CFAP206: variants seen among roughly 807,000 people sequenced by gnomAD.
The protein encoded by CFAP206 is cilia and flagella associated protein 206.
A neutral mutation model predicts 65.4 loss-of-function variants in CFAP206; 53 were observed. The observed-to-expected ratio is 0.81, with a 90% CI of 0.65 to 1.02. The LOEUF (loss-of-function observed/expected upper bound fraction) is 1.02. Among genes scored for constraint, CFAP206 ranks in the 50% least tolerant of loss-of-function variants. The pLI, the probability that CFAP206 is intolerant of heterozygous loss-of-function variation, is 0.00. For missense variants in CFAP206, 663 were observed against 753.2 expected (o/e 0.88, Z 1.40); for synonymous variants, 250 against 254.4 (o/e 0.98, Z 0.17).
At chr6:87,450,571 C>CAA (rs10678289) in intron 11 of CFAP206, among the ~76,000 whole-genome samples, 33,279 of 120,676 alleles carry the variant, frequency 0.28, 5,301 homozygotes, top group Admixed American at 0.36. Context: ...CTACTTATGG[C>CAA]AAAAAAAAAA....
chr6:87,440,748 G>A (rs1331655918), intron 11 of CFAP206, among the ~76,000 whole-genome samples: 2 of 152,178 alleles, frequency 1.3e-5, no homozygotes, highest in African/African-American at 2.4e-5. Context: ...TGGCAGCAAT[G>A]TAATGTCCCC....
chr6:87,435,633 T>G (rs1768252036), intron 11 of CFAP206: 1 of 152,182 alleles, frequency 6.6e-6, no homozygotes, highest in African/African-American at 2.4e-5. Context: ...GTTCTTCCTC[T>G]TTGTCTCTCA....
At chr6:87,424,471 G>T (rs1768003883) in intron 7 of CFAP206, among the ~76,000 whole-genome samples, 1 of 152,012 alleles carries the variant, frequency 6.6e-6, no homozygotes. Context: ...TGGAGATGGG[G>T]TTTCACCGTG....
chr6:87,451,403 T>A (rs1768540522), intron 11 of CFAP206, among the ~76,000 whole-genome samples: 1 of 152,074 alleles, frequency 6.6e-6, no homozygotes, highest in Non-Finnish European at 1.5e-5. Context: ...GGATGACATT[T>A]CTAGACCCAC....
In CFAP206 at chr6:87,464,428, G is replaced by A. The variant is rs111925212; in HGVS notation, c.*178G>A. On this transcript the variant is annotated 3_prime_UTR_variant, in exon 13 of 13. Coordinates refer to ENST00000369562, the MANE Select transcript of CFAP206 (RefSeq NM_001031743.3). ...TTTTCTGTAACACATTTTTCATTCTGTTGAAATTGAAAAATAAAACTGTCC... is the reference window on the plus strand; with the variant it reads ...TTTTCTGTAACACATTTTTCATTCTATTGAAATTGAAAAATAAAACTGTCC... 1 of 436,104 alleles carries A rather than the reference G, an allele frequency of 2.3e-6. No individual in the cohort carries two copies. The highest frequency in any genetic ancestry group is 4.0e-6 in the Non-Finnish European group (1 of 250,316). The allele number at this position is 436,104 out of a possible 1,614,324, so 27.0% of individuals were successfully genotyped here.
chr6:87,433,821 T>C (rs1265313573), intron 10 of CFAP206, among the ~76,000 whole-genome samples: 1 of 151,224 alleles, frequency 6.6e-6, no homozygotes, highest in Non-Finnish European at 1.5e-5. Context: ...TGGAAGGGGC[T>C]GGGCGTGGTG....
intron 9 of CFAP206, among the ~76,000 whole-genome samples, chr6:87,429,163 G>A (rs1054403909): frequency 2.0e-5 from 3 of 151,552 alleles, no homozygotes; most frequent in African/African-American, 7.3e-5. Context: ...CGGGTCAGAG[G>A]TTGCAGTGAG....
chr6:87,410,043 A>T, intron 2 of CFAP206, 96 bp downstream of exon 2: 1 of 850,588 alleles, frequency 1.2e-6, no homozygotes, highest in Non-Finnish European at 1.9e-6. Context: ...GCTTTCATAA[A>T]TGTTTTTCAG....
intron 7 of CFAP206, among the ~76,000 whole-genome samples, chr6:87,423,740 A>G (rs571798142): frequency 1.3e-5 from 2 of 152,190 alleles, no homozygotes; most frequent in African/African-American, 4.8e-5. Flanking sequence ...AAAAAACTCT[A>G]TGAGGGTAGA....
intron 7 of CFAP206, among the ~76,000 whole-genome samples, chr6:87,421,300 A>G (rs1239894876): frequency 6.6e-6 from 1 of 152,202 alleles, no homozygotes; most frequent in Non-Finnish European, 1.5e-5. Flanking sequence ...AGCCTGGCCA[A>G]CATGGTGAAA....
chr6:87,454,147 G>A (rs2127956739), intron 11 of CFAP206, among the ~76,000 whole-genome samples: 1 of 152,206 alleles, frequency 6.6e-6, no homozygotes, highest in South Asian at 2.1e-4. Context: ...ACACAGAGAA[G>A]ATCATTATAT....
Position 87,408,009 on chromosome 6 carries a change from G to C in CFAP206, c.-86G>C. 1 of 985,576 alleles carries C rather than the reference G, an allele frequency of 1.0e-6. No individual in the cohort carries two copies. 61.1% of individuals were successfully genotyped at this position (985,576 alleles called of 1,614,324 possible). ...TGGTTACGCGGCGGTGGCTGCGAGC[G>C]CCCAACTGCTCCGACCGTCGCGGTG... On this transcript the variant is annotated 5_prime_UTR_variant, in exon 1 of 13. Transcript: ENST00000369562.
rs6454620 is a variant in CFAP206, at chr6:87,422,157, A to C, written c.840+3741A>C. Among the ~76,000 whole-genome samples, 1,110 of 151,780 alleles carry C rather than the reference A, an allele frequency of 7.3e-3. 21 individuals carry two copies. The highest frequency in any genetic ancestry group is 0.026 in the African/African-American group (1,057 of 41,368). On this transcript the variant is annotated intron_variant, in intron 7 of 12. Coordinates refer to ENST00000369562, the MANE Select transcript of CFAP206 (RefSeq NM_001031743.3). ...TAGAGGACTAATATTATAATTAAAA[A>C]CTCTAGATGGGCCGGGCGTGGTGGC...
chr6:87,423,083 A>AT (rs1427247384), intron 7 of CFAP206, among the ~76,000 whole-genome samples: 1 of 151,278 alleles, frequency 6.6e-6, no homozygotes, highest in African/African-American at 2.4e-5. Context: ...CGCCTGGCTA[A>AT]TTTTTTTGTA....
At chr6:87,409,712 C>A in intron 1 of CFAP206, 123 bp from the exon 2 acceptor site, 1 of 615,838 alleles carries the variant, frequency 1.6e-6, no homozygotes. Flanking sequence ...AATAAAAATG[C>A]TAATAAGCTA....
At chr6:87,409,322 TC>T (rs1456915766) in intron 1 of CFAP206, among the ~76,000 whole-genome samples, 1 of 151,714 alleles carries the variant, frequency 6.6e-6, no homozygotes, top group African/African-American at 2.4e-5. Flanking sequence ...CAAACGATTC[TC>T]CTGCCTCAGC....
At chr6:87,418,845 C>T (rs1767885255) in intron 7 of CFAP206, among the ~76,000 whole-genome samples, 1 of 152,108 alleles carries the variant, frequency 6.6e-6, no homozygotes, top group Admixed American at 6.6e-5. Flanking sequence ...GGCAGAGTGG[C>T]TCATGTCTGT....
chr6:87,446,610 G>A (rs190896735), intron 11 of CFAP206, among the ~76,000 whole-genome samples: 1 of 152,260 alleles, frequency 6.6e-6, no homozygotes, highest in Non-Finnish European at 1.5e-5. Context: ...CTGCAGTATA[G>A]TTTGAAATTG....
intron 1 of CFAP206, 141 bp from the exon 2 acceptor site, chr6:87,409,694 T>C (rs1439753062): frequency 2.7e-5 from 16 of 591,024 alleles, no homozygotes; most frequent in Non-Finnish European, 3.0e-6. Flanking sequence ...AGGAGAGGCC[T>C]AGATACTAAT....
Sources: allele counts gnomAD v4.1 joint callset (sites outside exome capture counted in the v4.1 genomes callset), GRCh38; gene constraint gnomAD v4.1.1; transcripts MANE v1.5; gene names NCBI Gene and HGNC (gene_info 2026-07-23, HGNC 2026-07-21).